Variants in PCDHA12 observed in about 807,000 individuals in gnomAD.
PCDHA12 encodes protocadherin alpha-12.
In PCDHA12, 44 loss-of-function variants were observed where a neutral mutation model predicts 60.0. The ratio of observed to expected loss-of-function variants is 0.73; its 90% CI spans 0.58 to 0.94. The LOEUF (loss-of-function observed/expected upper bound fraction) is 0.94, where lower values mean the gene tolerates loss of function less well. PCDHA12 is among the 40% of genes least tolerant of loss of function. PCDHA12 has a pLI of 0.00. For synonymous variants in PCDHA12, 569 were observed against 553.0 expected, an observed-to-expected ratio of 1.03 and a Z score of -0.40; for missense variants, 1,276 against 1,239.7, an observed-to-expected ratio of 1.03 and a Z score of -0.44.
intron 1 of PCDHA12, among the ~76,000 whole-genome samples, chr5:140,921,856 G>A (rs2080440097): frequency 6.6e-6 from 1 of 151,824 alleles, no homozygotes; most frequent in Non-Finnish European, 1.5e-5. Flanking sequence ...AGATGTGTGT[G>A]TATATATACA....
chr5:141,001,316 C>T (rs2098007805), intron 3 of PCDHA12, among the ~76,000 whole-genome samples: 2 of 152,096 alleles, frequency 1.3e-5, no homozygotes, highest in African/African-American at 4.8e-5. Flanking sequence ...AAATAATTTG[C>T]CAAACATCAC....
chr5:140,925,124 A>AGG (rs1554202565), intron 1 of PCDHA12, among the ~76,000 whole-genome samples: 1 of 151,856 alleles, frequency 6.6e-6, no homozygotes, highest in African/African-American at 2.4e-5. Flanking sequence ...GAAGGAAGGA[A>AGG]AAAAAATTTC....
chr5:140,927,093 G>T (rs781998184), intron 1 of PCDHA12: 1 of 1,612,818 alleles, frequency 6.2e-7, no homozygotes, highest in Non-Finnish European at 8.5e-7. Flanking sequence ...TCTACTTCGG[G>T]GTGGATCTAC....
chr5:140,895,687 T>G (rs1417809630), intron 1 of PCDHA12, among the ~76,000 whole-genome samples: 2 of 152,184 alleles, frequency 1.3e-5, no homozygotes, highest in African/African-American at 4.8e-5. Flanking sequence ...GTTTTCTGTT[T>G]CTATATTAAT....
intron 1 of PCDHA12, among the ~76,000 whole-genome samples, chr5:140,964,532 G>A (rs995586958): frequency 2.0e-5 from 3 of 152,156 alleles, no homozygotes; most frequent in Non-Finnish European, 4.4e-5. Context: ...TCTGAGCTGC[G>A]TGCAGAGATG....
At position 140,935,795 on chromosome 5, in the gene PCDHA12, C is replaced by CTT. The variant is rs555560136; in HGVS notation, c.2368-43154_2368-43153insTT. ...GAGTTTTTTCACTTAAAAATATAAA[C>CTT]GAGATTATTTCATAGTAGTATAGTA... On this transcript the variant is annotated intron_variant, in intron 1 of 3. Coordinates refer to ENST00000398631, the MANE Select transcript of PCDHA12 (RefSeq NM_018903.4). 5.4e-3 allele frequency among the ~76,000 whole-genome samples: 824 copies of CTT among 151,876 alleles called. 3 individuals are homozygous for CTT. Among genetic ancestry groups the CTT allele is most frequent in the African/African-American group, 0.019 (793 of 41,436 alleles).
chr5:140,941,255 C>CTTTCTTTTTCTT (rs782490896), intron 1 of PCDHA12, among the ~76,000 whole-genome samples: 1 of 44,508 alleles, frequency 2.2e-5, no homozygotes, highest in Non-Finnish European at 5.1e-5. Context: ...TTCTTTCTTT[C>CTTTCTTTTTCTT]TCTTTCTTTC....
chr5:140,928,158 AC>A, intron 1 of PCDHA12: 7 of 1,614,066 alleles, frequency 4.3e-6, no homozygotes, highest in Non-Finnish European at 5.9e-6. Flanking sequence ...ATAGTGGCTC[AC>A]CCCCACTTAG....
At chr5:140,879,084 G>T (rs927310887) in intron 1 of PCDHA12, among the ~76,000 whole-genome samples, 1 of 152,174 alleles carries the variant, frequency 6.6e-6, no homozygotes, top group Non-Finnish European at 1.5e-5. Flanking sequence ...AGATAAGTAG[G>T]AACAACTGCA....
intron 3 of PCDHA12, among the ~76,000 whole-genome samples, chr5:140,993,088 CTA>C (rs1420227988): frequency 6.6e-6 from 1 of 152,202 alleles, no homozygotes; most frequent in Non-Finnish European, 1.5e-5. Flanking sequence ...ATCAGCAGGG[CTA>C]TGTTTATTCA....
chr5:140,970,854 T>G (rs2096437899), intron 1 of PCDHA12, among the ~76,000 whole-genome samples: 1 of 152,148 alleles, frequency 6.6e-6, no homozygotes, highest in Non-Finnish European at 1.5e-5. Flanking sequence ...GCACAAAAGT[T>G]CCATTCCTGA....
intron 1 of PCDHA12, among the ~76,000 whole-genome samples, chr5:140,912,160 C>T (rs1208125180): frequency 6.6e-6 from 1 of 152,134 alleles, no homozygotes. Context: ...TGTTTTTATT[C>T]TGGCTGTGCT....
At chr5:141,000,430 T>A (rs1295455270) in intron 3 of PCDHA12, among the ~76,000 whole-genome samples, 2 of 126,420 alleles carry the variant, frequency 1.6e-5, no homozygotes, top group African/African-American at 6.1e-5. Context: ...TATTTTTTTT[T>A]TTTTTTTTTT....
intron 1 of PCDHA12, among the ~76,000 whole-genome samples, chr5:140,976,889 T>A (rs2096736169): frequency 6.6e-6 from 1 of 152,218 alleles, no homozygotes; most frequent in Admixed American, 6.5e-5. Context: ...TTAGGATACA[T>A]GCAACAGTAT....
intron 3 of PCDHA12, among the ~76,000 whole-genome samples, chr5:141,005,404 G>A (rs1265064301): frequency 6.6e-6 from 1 of 152,166 alleles, no homozygotes; most frequent in Non-Finnish European, 1.5e-5. Context: ...CAGACTTGAA[G>A]AGTGAGGAGT....
At chr5:140,971,918 G>A (rs1297848346) in intron 1 of PCDHA12, among the ~76,000 whole-genome samples, 1 of 152,082 alleles carries the variant, frequency 6.6e-6, no homozygotes, top group Non-Finnish European at 1.5e-5. Context: ...CAGCCACACT[G>A]CTAGTGTTAT....
intron 1 of PCDHA12, chr5:140,927,596 G>A (rs374002981): frequency 2.5e-6 from 4 of 1,614,044 alleles, no homozygotes; most frequent in African/African-American, 2.7e-5. Context: ...GTATTTGAGC[G>A]CTCCGTATAC....
intron 1 of PCDHA12, among the ~76,000 whole-genome samples, chr5:140,971,300 A>T (rs555201828): frequency 2.0e-5 from 3 of 152,380 alleles, no homozygotes; most frequent in African/African-American, 7.2e-5. Flanking sequence ...ACTTTGGTAC[A>T]CAAACATTTA....
At position 140,893,180 on chromosome 5, in the gene PCDHA12, C is replaced by T. The variant is rs1388898676; in HGVS notation, c.2367+15341C>T. Among the ~76,000 whole-genome samples, 3 of 152,208 alleles carry T rather than the reference C, an allele frequency of 2.0e-5. No individual in the cohort carries two copies. In the South Asian group the frequency reaches 6.2e-4, roughly 31 times the overall value. On this transcript the variant is annotated intron_variant, in intron 1 of 3. Coordinates refer to ENST00000398631, the MANE Select transcript of PCDHA12 (RefSeq NM_018903.4). ...TATTGAGGTTGATTCCACATAGTAGCTATTGTGAATAGTGCTGCAGTAAGT... is the reference window on the plus strand; with the variant it reads ...TATTGAGGTTGATTCCACATAGTAGTTATTGTGAATAGTGCTGCAGTAAGT...
Sources: gnomAD v4.1 joint callset for allele counts (sites outside exome capture counted in the v4.1 genomes callset) on GRCh38, gnomAD v4.1.1 for gene constraint, MANE v1.5 for transcripts, NCBI Gene and HGNC (gene_info 2026-07-23, HGNC 2026-07-21) for gene names.